The following TRMU variants were observed in gnomAD, a reference collection of about 807,000 sequenced individuals.
TRMU encodes tRNA mitochondrial 2-thiouridylase.
A neutral mutation model predicts 46.9 loss-of-function variants in TRMU; 49 were observed. The observed-to-expected ratio is 1.05, with a 90% CI of 0.83 to 1.33. The LOEUF is 1.33. TRMU is among the 40% of genes most tolerant of loss of function. The pLI is 0.00. For missense variants in TRMU, 572 were observed against 532.4 expected, an observed-to-expected ratio of 1.07 and a Z score of -0.73; for synonymous variants, 241 against 200.9, an observed-to-expected ratio of 1.20 and a Z score of -1.69.
chr22:46,355,965 C>T, intron 9 of TRMU, 25 bp from the exon 10 acceptor site: 3 of 1,613,588 alleles, frequency 1.9e-6, no homozygotes, highest in Admixed American at 3.3e-5. Flanking sequence ...TGTGCCCCCT[C>T]CAAGGGCCCC....
chr22:46,347,865 A>T lies in TRMU; in HGVS notation c.478+1321A>T, dbSNP rs1017861171. Among the ~76,000 whole-genome samples, 1 of 152,168 alleles carries T rather than the reference A, an allele frequency of 6.6e-6. No individual in the cohort carries two copies. Among genetic ancestry groups the T allele is most frequent in the Non-Finnish European group, 1.5e-5 (1 of 68,020 alleles). On this transcript the variant is annotated intron_variant, in intron 4 of 10. Coordinates refer to ENST00000645190, the MANE Select transcript of TRMU (RefSeq NM_018006.5). This position sits in a 1 kb window ranked among gnomAD's most constrained non-coding sequence, Gnocchi z 5.0. ...TTCTTTCCTCAGCGTTGCTGAGCCC[A>T]TCCTGAAGGCTGCAGTGATGGGGCA...
In TRMU at chr22:46,354,029, A is replaced by G. The variant is rs745637768; in HGVS notation, c.873+162A>G. ...TCCCCTGCCTTTCCTGGGACTGGCC[A>G]TGGTGGCAGGAGAGTTTTAAGGTAT... On this transcript the variant is annotated intron_variant, in intron 8 of 10. Transcript: ENST00000645190. 8.5e-5 allele frequency: 58 copies of G among 679,634 alleles called. 1 individual carries two copies. The highest frequency in any genetic ancestry group is 6.8e-4 in the East Asian group (24 of 35,208). The allele number at this position is 679,634 out of a possible 1,614,324, so 42.1% of individuals were successfully genotyped here.
chr22:46,342,447 C>G lies in TRMU; in HGVS notation c.249-815C>G, dbSNP rs948631563. Among the ~76,000 whole-genome samples, 1 of 152,190 alleles carries G rather than the reference C, an allele frequency of 6.6e-6. No homozygotes were observed. The highest frequency in any genetic ancestry group is 2.4e-5 in the African/African-American group (1 of 41,454). On this transcript the variant is annotated intron_variant, in intron 2 of 10. Transcript: ENST00000645190. This position sits in a 1 kb window ranked among gnomAD's most constrained non-coding sequence, Gnocchi z 4.7. ...GTGCAGAAGCTCTCTGAACCCAGTA[C>G]TCCTGGGTTTTTATGGAGGCTTCAT...
At chr22:46,356,450 C>G (rs1050727504) in intron 10 of TRMU, 2 of 422,444 alleles carry the variant, frequency 4.7e-6, no homozygotes, top group Admixed American at 7.1e-5. Flanking sequence ...GGGTGTAGGC[C>G]TGAGGAATCT....
Position 46,350,260 on chromosome 22 carries a change from T to C in TRMU, c.479-31T>C. The C allele has an allele frequency of 6.2e-7, 1 of 1,613,928 alleles. No individual in the cohort carries two copies. The highest frequency in any genetic ancestry group is 8.5e-7 in the Non-Finnish European group (1 of 1,179,832). On this transcript the variant is annotated intron_variant, in intron 4 of 10. Coordinates refer to ENST00000645190, the MANE Select transcript of TRMU (RefSeq NM_018006.5). This position sits in a 1 kb window ranked among gnomAD's most constrained non-coding sequence, Gnocchi z 4.6. ...AGTGAAGTATCATTATTTTTATTCC[T>C]GCATCGTCTTTTGTTCTTTATTCTT...
chr22:46,343,662 C>T (rs2078180751), intron 3 of TRMU, among the ~76,000 whole-genome samples: 1 of 152,168 alleles, frequency 6.6e-6, no homozygotes, highest in African/African-American at 2.4e-5. Flanking sequence ...AAGCGTGAGC[C>T]CCTGTGCCTA....
Position 46,355,986 on chromosome 22 carries a change from C to G in TRMU, c.1019-4C>G, listed in dbSNP as rs375748880. 2.5e-5 allele frequency: 41 copies of G among 1,613,914 alleles called. No individual in the cohort carries two copies. The highest frequency in any genetic ancestry group is 3.5e-5 in the Non-Finnish European group (41 of 1,179,962). On this transcript the variant is annotated splice_region_variant and splice_polypyrimidine_tract_variant and intron_variant, in intron 9 of 10. Coordinates refer to ENST00000645190, the MANE Select transcript of TRMU (RefSeq NM_018006.5). ...CCCTCCAAGGGCCCCTCTCTTCTAC[C>G]CAGTGCCCTGTGTGCTGACCCTCAA... is the stretch of plus-strand genomic sequence containing the variant.
rs113704386 is a variant in TRMU, at chr22:46,338,679, G to A, written c.248+735G>A. Among the ~76,000 whole-genome samples, 2,006 of 152,342 alleles carry A rather than the reference G, an allele frequency of 0.013. 52 individuals are homozygous for A. Among genetic ancestry groups the A allele is most frequent in the African/African-American group, 0.046 (1,921 of 41,584 alleles). ...CTCCAAATGGGGTAACGAGAGCAGC[G>A]TGAAGGGGAGAAGAAATGCTGATTG... On this transcript the variant is annotated intron_variant, in intron 2 of 10. Coordinates refer to ENST00000645190, the MANE Select transcript of TRMU (RefSeq NM_018006.5). The surrounding 1 kb of genome is among the most constrained non-coding windows in gnomAD (Gnocchi z 4.5).
rs1225527798 is a variant in TRMU, at chr22:46,339,027, C to G, written c.248+1083C>G. ...AGAGATACTTGACTTTTCTAAGCCC[C>G]AATTTTCTCATCTTTAAAATGAGGA... On this transcript the variant is annotated intron_variant, in intron 2 of 10. Coordinates refer to ENST00000645190, the MANE Select transcript of TRMU (RefSeq NM_018006.5). This position sits in a 1 kb window ranked among gnomAD's most constrained non-coding sequence, Gnocchi z 4.8. 6.6e-6 allele frequency among the ~76,000 whole-genome samples: 1 copy of G among 152,114 alleles called. No homozygotes were observed. The highest frequency in any genetic ancestry group is 2.4e-5 in the African/African-American group (1 of 41,398).
chr22:46,351,879 AG>A lies in TRMU; in HGVS notation c.652-239del. 1 of 609,280 alleles carries A rather than the reference AG, an allele frequency of 1.6e-6. No individual in the cohort carries two copies. Among genetic ancestry groups the A allele is most frequent in the Non-Finnish European group, 2.9e-6 (1 of 340,172 alleles). The allele number at this position is 609,280 out of a possible 1,614,324, so 37.7% of individuals were successfully genotyped here. ...TTTCTTCCCCGGGGCAGCTGGTGTGAGGGTCTCCCGCGCAGGGTCAGACCCC... is the reference window on the plus strand; with the variant it reads ...TTTCTTCCCCGGGGCAGCTGGTGTGAGGTCTCCCGCGCAGGGTCAGACCCC... On this transcript the variant is annotated intron_variant, in intron 5 of 10. Coordinates refer to ENST00000645190, the MANE Select transcript of TRMU (RefSeq NM_018006.5). The surrounding 1 kb of genome is among the most constrained non-coding windows in gnomAD (Gnocchi z 6.4).
At chr22:46,345,925 G>A (rs931367094) in intron 3 of TRMU, among the ~76,000 whole-genome samples, 5 of 151,928 alleles carry the variant, frequency 3.3e-5, no homozygotes, top group Non-Finnish European at 7.4e-5. Flanking sequence ...GCCCCACCAC[G>A]CCTGGCTAAT....
intron 7 of TRMU, chr22:46,353,237 C>A: frequency 5.5e-6 from 1 of 182,580 alleles, no homozygotes; most frequent in Non-Finnish European, 1.2e-5. Context: ...CTGAAGAAGG[C>A]TGCCGGCCCA....
At chr22:46,353,736 C>A in intron 7 of TRMU, 31 bp from the exon 8 acceptor site, 1 of 1,606,262 alleles carries the variant, frequency 6.2e-7, no homozygotes, top group Non-Finnish European at 8.5e-7. Context: ...AACTTGTTGC[C>A]CAGCCTCATG....
chr22:46,352,703 C>T (rs1293888825), intron 7 of TRMU: 1 of 365,300 alleles, frequency 2.7e-6, no homozygotes, highest in Non-Finnish European at 5.3e-6. Context: ...GACGTCCCGG[C>T]ATGGTGTGAA....
rs187707350 is a variant in TRMU at position 46,342,574 on chromosome 22, T to C, written c.249-688T>C. Among the ~76,000 whole-genome samples, 79 of 152,258 alleles carry C rather than the reference T, an allele frequency of 5.2e-4. No individual in the cohort carries two copies. Among genetic ancestry groups the C allele is most frequent in the African/African-American group, 1.8e-3 (73 of 41,540 alleles). On this transcript the variant is annotated intron_variant, in intron 2 of 10. Coordinates refer to ENST00000645190, the MANE Select transcript of TRMU (RefSeq NM_018006.5). This position sits in a 1 kb window ranked among gnomAD's most constrained non-coding sequence, Gnocchi z 4.7. Reference sequence around the variant, plus strand: ...GTAGACGCTTGTAATCCTAGCACTTTAGGAGGCTGAGGCAGGAGACTTGCT... The same window carrying C: ...GTAGACGCTTGTAATCCTAGCACTTCAGGAGGCTGAGGCAGGAGACTTGCT...
In TRMU at chr22:46,348,448, G is replaced by A. The variant is rs1476389075; in HGVS notation, c.479-1843G>A. On this transcript the variant is annotated intron_variant, in intron 4 of 10. Coordinates refer to ENST00000645190, the MANE Select transcript of TRMU (RefSeq NM_018006.5). The surrounding 1 kb of genome is among the most constrained non-coding windows in gnomAD (Gnocchi z 4.8). ...ATTCTTCTTCAGTTGCCCTGGCCCA[G>A]CCTGGGTCTCTGGGTAGAGCACCTG... 6.6e-6 allele frequency among the ~76,000 whole-genome samples: 1 copy of A among 152,236 alleles called. No homozygotes were observed. The highest frequency in any genetic ancestry group is 1.5e-5 in the Non-Finnish European group (1 of 68,044).
chr22:46,351,734 A>G lies in TRMU; in HGVS notation c.652-387A>G, dbSNP rs1000412182. ...CGCCTCTCTCCTCTGACTCCCCTGG[A>G]GCCCTCCCCTAAGGCCTTAGCTTCA... On this transcript the variant is annotated intron_variant, in intron 5 of 10. Transcript: ENST00000645190. The surrounding 1 kb of genome is among the most constrained non-coding windows in gnomAD (Gnocchi z 6.4). 5.6e-6 allele frequency: 2 copies of G among 359,166 alleles called. No homozygotes were observed. Among genetic ancestry groups the G allele is most frequent in the African/African-American group, 4.2e-5 (2 of 47,332 alleles). 22.2% of individuals were successfully genotyped at this position (359,166 alleles called of 1,614,324 possible).
Position 46,348,588 on chromosome 22 carries a change from G to C in TRMU, c.479-1703G>C, listed in dbSNP as rs1399306477. ...CACACAGCGTGCTACCACCGGCCTG[G>C]CAGAGCCAGCACGGCAGCCGGCGTG... is the stretch of plus-strand genomic sequence containing the variant. On this transcript the variant is annotated intron_variant, in intron 4 of 10. Coordinates refer to ENST00000645190, the MANE Select transcript of TRMU (RefSeq NM_018006.5). The surrounding 1 kb of genome is among the most constrained non-coding windows in gnomAD (Gnocchi z 4.8). Among the ~76,000 whole-genome samples the C allele has an allele frequency of 6.6e-6, 1 of 152,250 alleles. No individual in the cohort carries two copies. Among genetic ancestry groups the C allele is most frequent in the Admixed American group, 6.5e-5 (1 of 15,292 alleles).
chr22:46,348,555 T>C lies in TRMU; in HGVS notation c.479-1736T>C, dbSNP rs910547681. ...TAGGCCTGGCCTGTGACTGGGCTGA[T>C]TTTCCCCCACACAGCGTGCTACCAC... On this transcript the variant is annotated intron_variant, in intron 4 of 10. Coordinates refer to ENST00000645190, the MANE Select transcript of TRMU (RefSeq NM_018006.5). This position sits in a 1 kb window ranked among gnomAD's most constrained non-coding sequence, Gnocchi z 4.8. Among the ~76,000 whole-genome samples the C allele has an allele frequency of 5.3e-5, 8 of 152,134 alleles. No homozygotes were observed. Among genetic ancestry groups the C allele is most frequent in the African/African-American group, 1.9e-4 (8 of 41,426 alleles).
Sources: gnomAD v4.1 joint callset for allele counts (sites outside exome capture counted in the v4.1 genomes callset) on GRCh38, gnomAD v4.1.1 for gene constraint, Gnocchi (gnomAD v3.1) non-coding constraint, MANE v1.5 for transcripts, NCBI Gene and HGNC (gene_info 2026-07-23, HGNC 2026-07-21) for gene names.